Variants in PHLDB2 observed in about 807,000 individuals in gnomAD.
PHLDB2 encodes pleckstrin homology-like domain family B member 2.
Under a neutral mutation model 123.6 loss-of-function variants are expected in PHLDB2, and 71 were observed. The ratio of observed to expected loss-of-function variants is 0.57; its 90% confidence interval spans 0.47 to 0.70. The LOEUF (loss-of-function observed/expected upper bound fraction) is 0.70. Among genes scored for constraint, PHLDB2 ranks in the 30% least tolerant of loss-of-function variants. PHLDB2 has a pLI of 0.00. For synonymous variants in PHLDB2, 547 were observed against 541.6 expected, an observed-to-expected ratio of 1.01 and a Z score of -0.14; for missense variants, 1,446 against 1,519.5, an observed-to-expected ratio of 0.95 and a Z score of 0.80.
In PHLDB2 at chr3:111,968,386, A is replaced by T. The variant is rs142653374; in HGVS notation, c.3315+562A>T. ...CAGTAGTCCTCAACACCTGTGCACA[A>T]GCTTGTTGTATTCAAGCAAAGTTTG... On this transcript the variant is annotated intron_variant, in intron 15 of 17. Coordinates refer to ENST00000431670, the MANE Select transcript of PHLDB2 (RefSeq NM_001134438.2). Among the ~76,000 whole-genome samples, 840 of 152,300 alleles carry T rather than the reference A, an allele frequency of 5.5e-3. 7 individuals carry two copies. The highest frequency in any genetic ancestry group is 0.019 in the African/African-American group (793 of 41,570).
At chr3:111,924,291 A>G (rs1203910625) in intron 5 of PHLDB2, among the ~76,000 whole-genome samples, 4 of 152,236 alleles carry the variant, frequency 2.6e-5, no homozygotes, top group African/African-American at 9.6e-5. Flanking sequence ...TTTTGAGCCT[A>G]CTAGACATTT....
intron 1 of PHLDB2, among the ~76,000 whole-genome samples, chr3:111,737,311 C>G (rs548312306): frequency 6.6e-6 from 1 of 152,190 alleles, no homozygotes; most frequent in African/African-American, 2.4e-5. Context: ...TTGTCCACAT[C>G]CTTGCTTTGG....
intron 3 of PHLDB2, chr3:111,916,404 A>T (rs2068180162): frequency 6.6e-6 from 1 of 152,226 alleles, no homozygotes; most frequent in Non-Finnish European, 1.5e-5. Flanking sequence ...TCTTTTTAAA[A>T]CAACCTTCCT....
chr3:111,775,814 T>C (rs2060258623), intron 1 of PHLDB2, among the ~76,000 whole-genome samples: 1 of 152,032 alleles, frequency 6.6e-6, no homozygotes, highest in Non-Finnish European at 1.5e-5. Flanking sequence ...TGGGAACCCA[T>C]TGATATCTTA....
chr3:111,846,003 G>A (rs766458500), intron 2 of PHLDB2: 243 of 1,482,614 alleles, frequency 1.6e-4, no homozygotes, highest in Non-Finnish European at 2.1e-4. Context: ...TACATATTGG[G>A]AATGAGCTGG....
chr3:111,813,233 A>T (rs1436000467), intron 1 of PHLDB2, among the ~76,000 whole-genome samples: 1 of 152,218 alleles, frequency 6.6e-6, no homozygotes, highest in Non-Finnish European at 1.5e-5. Context: ...TAATGTGATT[A>T]CTATAGTTAA....
chr3:111,818,687 G>A (rs1486397206), intron 1 of PHLDB2, among the ~76,000 whole-genome samples: 1 of 152,054 alleles, frequency 6.6e-6, no homozygotes, highest in African/African-American at 2.4e-5. Context: ...GACAAAAATA[G>A]GGCTTTAAAA....
intron 2 of PHLDB2, among the ~76,000 whole-genome samples, chr3:111,904,024 C>A (rs140426879): frequency 1.6e-3 from 239 of 152,252 alleles, no homozygotes; most frequent in African/African-American, 5.7e-3. Context: ...CACCTGTAAT[C>A]CCAGCACTTT....
intron 6 of PHLDB2, among the ~76,000 whole-genome samples, chr3:111,938,761 GAAGAA>G (rs1268058397): frequency 1.3e-5 from 2 of 151,932 alleles, no homozygotes; most frequent in East Asian, 3.9e-4. Flanking sequence ...ATGAAAAATT[GAAGAA>G]AAGAAGAGCT....
chr3:111,916,115 G>A (rs547288087), intron 3 of PHLDB2: 2 of 152,324 alleles, frequency 1.3e-5, no homozygotes, highest in Admixed American at 6.5e-5. Context: ...GAATGCTGTT[G>A]GTGCGTACAC....
At chr3:111,827,767 T>C (rs1434883724) in intron 1 of PHLDB2, among the ~76,000 whole-genome samples, 3 of 150,952 alleles carry the variant, frequency 2.0e-5, no homozygotes, top group Admixed American at 2.0e-4. Context: ...GGAAGCTTCA[T>C]GCTCACCCAC....
At chr3:111,786,055 G>A (rs2060666559) in intron 1 of PHLDB2, among the ~76,000 whole-genome samples, 1 of 152,084 alleles carries the variant, frequency 6.6e-6, no homozygotes, top group African/African-American at 2.4e-5. Flanking sequence ...ATGAGGTACA[G>A]TTATCCCTCA....
At chr3:111,830,961 GAAAGAAAGAAAGAA>G (rs2062959756) in intron 1 of PHLDB2, among the ~76,000 whole-genome samples, 4 of 25,766 alleles carry the variant, frequency 1.6e-4, no homozygotes, top group Non-Finnish European at 1.5e-4. Context: ...GAAAGAGAAA[GAAAGAAAGAAAGAA>G]AGAAAGAAAG....
At chr3:111,777,320 T>C (rs1247757118) in intron 1 of PHLDB2, among the ~76,000 whole-genome samples, 1 of 152,182 alleles carries the variant, frequency 6.6e-6, no homozygotes, top group Admixed American at 6.6e-5. Context: ...TGACCCAGTA[T>C]GATCTTCTAA....
intron 5 of PHLDB2, among the ~76,000 whole-genome samples, chr3:111,929,319 TA>T (rs1278426877): frequency 6.6e-6 from 1 of 152,194 alleles, no homozygotes; most frequent in Non-Finnish European, 1.5e-5. Context: ...GAATATTTTT[TA>T]AAAAGTTATA....
intron 1 of PHLDB2, among the ~76,000 whole-genome samples, chr3:111,808,491 GGT>G (rs1491559945): frequency 2.4e-5 from 3 of 125,762 alleles, no homozygotes; most frequent in African/African-American, 8.3e-5. Flanking sequence ...ATATATTCTG[GGT>G]TTTTTTTTTT....
intron 13 of PHLDB2, among the ~76,000 whole-genome samples, chr3:111,962,796 G>A (rs1184928095): frequency 6.6e-6 from 1 of 152,078 alleles, no homozygotes; most frequent in Non-Finnish European, 1.5e-5. Context: ...GGGCATGGTG[G>A]CGCATGCCTG....
intron 3 of PHLDB2, 93 bp from the exon 4 acceptor site, chr3:111,918,979 T>G: frequency 8.2e-6 from 11 of 1,333,758 alleles, no homozygotes; most frequent in East Asian, 4.6e-5. Flanking sequence ...ATGGAGACTG[T>G]GAGACCCTAG....
intron 1 of PHLDB2, among the ~76,000 whole-genome samples, chr3:111,832,502 G>C (rs1055166947): frequency 6.7e-6 from 1 of 150,356 alleles, no homozygotes; most frequent in Non-Finnish European, 1.5e-5. Flanking sequence ...ATTAATCTTA[G>C]TGTTGTTATT....
Sources: allele counts gnomAD v4.1 joint callset (sites outside exome capture counted in the v4.1 genomes callset), GRCh38; gene constraint gnomAD v4.1.1; transcripts MANE v1.5; gene names NCBI Gene and HGNC (gene_info 2026-07-23, HGNC 2026-07-21).